Variants in AGBL4 observed in about 807,000 individuals in gnomAD.
AGBL4 encodes the protein cytosolic carboxypeptidase 6.
Under a neutral mutation model 66.4 loss-of-function variants are expected in AGBL4, and 58 were observed. The ratio of observed to expected loss-of-function variants is 0.87; its 90% confidence interval spans 0.71 to 1.09. The LOEUF (loss-of-function observed/expected upper bound fraction) is 1.09, where lower values mean the gene tolerates loss of function less well. Among genes scored for constraint, AGBL4 ranks in the 50% least tolerant of loss-of-function variants. AGBL4 has a pLI of 0.00. For synonymous variants in AGBL4, 234 were observed against 222.9 expected (o/e 1.05, Z -0.44); for missense variants, 579 against 631.0 (o/e 0.92, Z 0.88).
At chr1:48,853,186 C>T (rs1330911368) in intron 6 of AGBL4, among the ~76,000 whole-genome samples, 1 of 152,144 alleles carries the variant, frequency 6.6e-6, no homozygotes, top group Non-Finnish European at 1.5e-5. Context: ...ACTGAGGTCT[C>T]CTGCCAAAAG....
rs1482591380 is a variant in AGBL4 at position 49,686,239 on chromosome 1, T to TTA, written c.282+11073_282+11074insTA. On this transcript the variant is annotated intron_variant, in intron 3 of 13. Transcript: ENST00000371839. ...GTGGCTTTATTTCTGGGTTCTCTAA[T>TTA]AAGGACCCCCGCCACGGCCCCACTG... Among the ~76,000 whole-genome samples, 14 of 152,268 alleles carry TTA rather than the reference T, an allele frequency of 9.2e-5. No individual in the cohort carries two copies. The East Asian group carries it at 2.7e-3, about 29-fold the overall frequency.
chr1:48,845,664 C>G (rs543943898), intron 6 of AGBL4, among the ~76,000 whole-genome samples: 1 of 152,226 alleles, frequency 6.6e-6, no homozygotes, highest in Non-Finnish European at 1.5e-5. Context: ...CTGTAACAAC[C>G]TTTTGAGATT....
intron 3 of AGBL4, among the ~76,000 whole-genome samples, chr1:49,617,748 T>TA (rs1193935923): frequency 8.5e-5 from 13 of 152,186 alleles, no homozygotes; most frequent in Non-Finnish European, 1.8e-4. Flanking sequence ...CAGGTACAGA[T>TA]AAAAACAACA....
intron 3 of AGBL4, among the ~76,000 whole-genome samples, chr1:49,572,541 C>T (rs1158018291): frequency 1.3e-5 from 2 of 151,994 alleles, no homozygotes; most frequent in Admixed American, 6.6e-5. Flanking sequence ...TTTTTTTCTG[C>T]TGTCTATTTC....
At chr1:48,761,211 A>G in intron 6 of AGBL4, 1 of 1,107,750 alleles carries the variant, frequency 9.0e-7, no homozygotes. Context: ...ACTACCCTGA[A>G]AAAATCATAG....
At chr1:49,368,961 G>C (rs928332610) in intron 3 of AGBL4, among the ~76,000 whole-genome samples, 13 of 152,032 alleles carry the variant, frequency 8.6e-5, no homozygotes, top group African/African-American at 3.1e-4. Flanking sequence ...TGTATTCCCA[G>C]CTACTCAGGA....
intron 6 of AGBL4, among the ~76,000 whole-genome samples, chr1:48,798,229 GTGA>G (rs1183260681): frequency 3.3e-5 from 5 of 152,134 alleles, no homozygotes; most frequent in Non-Finnish European, 7.4e-5. Context: ...CTGATAATTA[GTGA>G]TGTTGAGCAT....
At chr1:49,271,426 G>T (rs1644055173) in intron 3 of AGBL4, among the ~76,000 whole-genome samples, 1 of 151,816 alleles carries the variant, frequency 6.6e-6, no homozygotes, top group South Asian at 2.1e-4. Context: ...TCAGCTGTTT[G>T]TCCTGGCTAA....
chr1:48,768,960 A>G (rs1359129875), intron 6 of AGBL4, among the ~76,000 whole-genome samples: 1 of 152,246 alleles, frequency 6.6e-6, no homozygotes, highest in Non-Finnish European at 1.5e-5. Context: ...AGCCAAGACT[A>G]CAAAAAAAAG....
chr1:49,700,112 A>G (rs971570440), intron 2 of AGBL4, among the ~76,000 whole-genome samples: 4 of 151,764 alleles, frequency 2.6e-5, no homozygotes, highest in Non-Finnish European at 4.4e-5. Flanking sequence ...TCCTTTTAGG[A>G]GCACAAAAAG....
intron 1 of AGBL4, among the ~76,000 whole-genome samples, chr1:49,978,024 C>G (rs1482275672): frequency 6.6e-6 from 1 of 152,172 alleles, no homozygotes; most frequent in Admixed American, 6.5e-5. Flanking sequence ...TTCTGATTTT[C>G]AACGTGCCTG....
At chr1:49,352,976 C>T (rs1643941892) in intron 3 of AGBL4, among the ~76,000 whole-genome samples, 1 of 152,172 alleles carries the variant, frequency 6.6e-6, no homozygotes, top group Non-Finnish European at 1.5e-5. Context: ...CCAAATACAT[C>T]ATCCCTTCAT....
At chr1:49,663,181 A>G (rs553516393) in intron 3 of AGBL4, among the ~76,000 whole-genome samples, 16 of 152,274 alleles carry the variant, frequency 1.1e-4, no homozygotes, top group African/African-American at 3.1e-4. Context: ...AGCACCATCA[A>G]TGGAATATAA....
intron 6 of AGBL4, among the ~76,000 whole-genome samples, chr1:48,860,180 G>A (rs1333845047): frequency 1.3e-5 from 2 of 152,164 alleles, no homozygotes; most frequent in African/African-American, 4.8e-5. Flanking sequence ...TACTGACGAG[G>A]TTATAGGAAA....
intron 2 of AGBL4, chr1:49,842,106 C>T (rs1017466932): frequency 1.7e-5 from 6 of 349,730 alleles, no homozygotes; most frequent in South Asian, 2.8e-5. Context: ...CTGAAGTCCG[C>T]GCCAAGCTCC....
chr1:49,931,327 CA>C (rs1010520533), intron 1 of AGBL4, among the ~76,000 whole-genome samples: 1 of 152,098 alleles, frequency 6.6e-6, no homozygotes, highest in African/African-American at 2.4e-5. Flanking sequence ...TCCATTTTCA[CA>C]GTGCTATAAA....
chr1:49,199,188 G>C (rs537472740), intron 4 of AGBL4, among the ~76,000 whole-genome samples: 1 of 152,256 alleles, frequency 6.6e-6, no homozygotes, highest in East Asian at 1.9e-4. Flanking sequence ...TGAGGAAACG[G>C]ATGCAGAGAG....
rs183220541 is a variant in AGBL4, at chr1:49,581,675, T to A, written c.282+115638A>T. Among the ~76,000 whole-genome samples, 110 of 152,272 alleles carry A rather than the reference T, an allele frequency of 7.2e-4. 1 individual carries two copies. Among genetic ancestry groups the A allele is most frequent in the Admixed American group, 5.6e-3 (85 of 15,292 alleles). ...TTATTGATGGAGGCTTTGTTGCAGT[T>A]GTGCTGGATATTTGAATGCCAGATG... On this transcript the variant is annotated intron_variant, in intron 3 of 13. Coordinates refer to ENST00000371839, the MANE Select transcript of AGBL4 (RefSeq NM_032785.4).
At chr1:48,935,318 C>T (rs1268890994) in intron 5 of AGBL4, among the ~76,000 whole-genome samples, 1 of 152,134 alleles carries the variant, frequency 6.6e-6, no homozygotes, top group Non-Finnish European at 1.5e-5. Flanking sequence ...ACCAGAGTGT[C>T]TTTAAGGGGT....
Sources: allele counts gnomAD v4.1 joint callset (sites outside exome capture counted in the v4.1 genomes callset), GRCh38; gene constraint gnomAD v4.1.1; transcripts MANE v1.5; gene names NCBI Gene and HGNC (gene_info 2026-07-23, HGNC 2026-07-21).